The following PMEPA1 variants were observed in gnomAD, a reference collection of about 807,000 sequenced individuals.
The protein encoded by PMEPA1 is protein TMEPAI.
A neutral mutation model predicts 23.0 loss-of-function variants in PMEPA1; 11 were observed. The observed-to-expected ratio is 0.48, with a 90% CI of 0.30 to 0.79. PMEPA1 has a LOEUF of 0.79. PMEPA1 is among the 30% of genes least tolerant of loss of function. The pLI is 0.06. For missense variants in PMEPA1, 377 were observed against 390.9 expected (o/e 0.96, Z 0.30); for synonymous variants, 204 against 166.4 (o/e 1.23, Z -1.74).
chr20:57,674,828 C>T (rs377170046), intron 1 of PMEPA1, among the ~76,000 whole-genome samples: 11 of 152,192 alleles, frequency 7.2e-5, no homozygotes, highest in African/African-American at 2.7e-4. Context: ...GCCTCAGGAG[C>T]GAGGGCACGC....
rs1002741767 is a variant in PMEPA1, at chr20:57,653,157, T to C, written c.265-71A>G. 10 of 1,293,306 alleles carry C rather than the reference T, an allele frequency of 7.7e-6. No individual in the cohort carries two copies. The African/African-American group carries it at 1.3e-4, about 17-fold the overall frequency. The allele number at this position is 1,293,306 out of a possible 1,614,324, so 80.1% of individuals were successfully genotyped here. A position where few individuals can be genotyped will look rare whatever the true frequency, so the allele number is the denominator to read the frequency against. On this transcript the variant is annotated intron_variant, in intron 2 of 3. Transcript: ENST00000341744. ...AGGGACAGCAAAGGCTCAACCCAGATTCGACTCTTAGGCCTTTACCCTGGA... is the reference window on the plus strand; with the variant it reads ...AGGGACAGCAAAGGCTCAACCCAGACTCGACTCTTAGGCCTTTACCCTGGA...
intron 2 of PMEPA1, among the ~76,000 whole-genome samples, chr20:57,658,878 T>C (rs1232247697): frequency 3.3e-5 from 5 of 152,156 alleles, no homozygotes; most frequent in Admixed American, 3.3e-4. Context: ...TTCCCACCAC[T>C]ACCCCGGTGG....
chr20:57,653,900 T>G (rs1416043168), intron 2 of PMEPA1, among the ~76,000 whole-genome samples: 1 of 152,178 alleles, frequency 6.6e-6, no homozygotes, highest in Non-Finnish European at 1.5e-5. Flanking sequence ...TTTATTTCTT[T>G]ACAGTCTTTC....
Position 57,709,887 on chromosome 20 carries a change from C to T in PMEPA1, c.-305G>A. On this transcript the variant is annotated 5_prime_UTR_variant, in exon 1 of 4. Transcript: ENST00000341744. ...GCGCGCTGCCGCCGGGGCTGAGCCT[C>T]TGCCGCTAGCTTTCCCCAGCCGAGC... is the stretch of plus-strand genomic sequence containing the variant. 1 of 1,004,694 alleles carries T rather than the reference C, an allele frequency of 1.0e-6. No individual in the cohort carries two copies. The highest frequency in any genetic ancestry group is 1.7e-5 in the African/African-American group (1 of 57,266). 62.2% of individuals were successfully genotyped at this position (1,004,694 alleles called of 1,614,324 possible). A position where few individuals can be genotyped will look rare whatever the true frequency, so the allele number is the denominator to read the frequency against.
chr20:57,701,043 A>G (rs912605003), intron 1 of PMEPA1, among the ~76,000 whole-genome samples: 2 of 151,942 alleles, frequency 1.3e-5, no homozygotes, highest in African/African-American at 4.8e-5. Flanking sequence ...AAAAAAGAAA[A>G]GAAAAGAAAA....
At chr20:57,654,658 T>C (rs3795119) in intron 2 of PMEPA1, among the ~76,000 whole-genome samples, 32,335 of 152,088 alleles carry the variant, frequency 0.21, 3,940 homozygotes, top group East Asian at 0.37. Flanking sequence ...TCACTTCTCC[T>C]TCTATTAGAC....
rs192656244 is a variant in PMEPA1, at chr20:57,692,740, C to T, written c.109+16734G>A. Among the ~76,000 whole-genome samples, 21 of 152,342 alleles carry T rather than the reference C, an allele frequency of 1.4e-4. No homozygotes were observed. The East Asian group carries it at 2.3e-3, about 17-fold the overall frequency. On this transcript the variant is annotated intron_variant, in intron 1 of 3. Coordinates refer to ENST00000341744, the MANE Select transcript of PMEPA1 (RefSeq NM_020182.5). The stretch of plus-strand genomic sequence containing the variant: ...GAGCCTGAGGAACCTCCGTCCACCT[C>T]CTCTTGCCTGGATACTCTTCATTGT...
At chr20:57,707,523 T>C (rs760848864) in intron 1 of PMEPA1, among the ~76,000 whole-genome samples, 6 of 152,312 alleles carry the variant, frequency 3.9e-5, no homozygotes, top group Non-Finnish European at 8.8e-5. Context: ...ACTCAAAGGC[T>C]GCTGGCGGCG....
Position 57,704,447 on chromosome 20 carries a change from A to G in PMEPA1, c.109+5027T>C, listed in dbSNP as rs1425092453. 2.0e-5 allele frequency among the ~76,000 whole-genome samples: 3 copies of G among 152,152 alleles called. No homozygotes were observed. Among genetic ancestry groups the G allele is most frequent in the Non-Finnish European group, 4.4e-5 (3 of 68,020 alleles). ...CCCAACCATGCGTGCGTTACGCAAC[A>G]CTTTGTAAAAAGCAAAAAATGGGCC... On this transcript the variant is annotated intron_variant, in intron 1 of 3. Transcript: ENST00000341744. The surrounding 1 kb of genome is among the most constrained non-coding windows in gnomAD (Gnocchi z 4.6).
chr20:57,709,831 T>G lies in PMEPA1; in HGVS notation c.-249A>C, dbSNP rs2072146209. On this transcript the variant is annotated 5_prime_UTR_variant, in exon 1 of 4. Coordinates refer to ENST00000341744, the MANE Select transcript of PMEPA1 (RefSeq NM_020182.5). ...CGGGGGCGTCGGCAGTGCCCGCGGGTGGCGTCCGGAAAATGGGCTGGCAGC... is the reference window on the plus strand; with the variant it reads ...CGGGGGCGTCGGCAGTGCCCGCGGGGGGCGTCCGGAAAATGGGCTGGCAGC... 5 of 983,662 alleles carry G rather than the reference T, an allele frequency of 5.1e-6. No homozygotes were observed. In the South Asian group the frequency reaches 1.4e-4, roughly 27 times the overall value. 60.9% of individuals were successfully genotyped at this position (983,662 alleles called of 1,614,324 possible). A position where few individuals can be genotyped will look rare whatever the true frequency, so the allele number is the denominator to read the frequency against.
chr20:57,678,965 G>A (rs538077242), intron 1 of PMEPA1, among the ~76,000 whole-genome samples: 15 of 152,268 alleles, frequency 9.9e-5, no homozygotes, highest in African/African-American at 3.1e-4. Flanking sequence ...GAAGAACTGC[G>A]GACGTCTCTG....
At chr20:57,675,196 G>T (rs763873492) in intron 1 of PMEPA1, among the ~76,000 whole-genome samples, 12 of 139,286 alleles carry the variant, frequency 8.6e-5, no homozygotes, top group Non-Finnish European at 1.5e-4. Flanking sequence ...CAGAAGTTCA[G>T]GTGGCAAGGG....
chr20:57,709,566 C>T lies in PMEPA1; in HGVS notation c.17G>A (p.Gly6Glu). 1 of 1,073,230 alleles carries T rather than the reference C, an allele frequency of 9.3e-7. No homozygotes were observed. The highest frequency in any genetic ancestry group is 2.9e-5 in the South Asian group (1 of 33,982). The allele number at this position is 1,073,230 out of a possible 1,614,324, so 66.5% of individuals were successfully genotyped here. A position where few individuals can be genotyped will look rare whatever the true frequency, so the allele number is the denominator to read the frequency against. MHRLM[G>E]VNSTAAAAAG... Reference sequence around the variant, plus strand: ...GGCGGCGGCGGCGGTGCTGTTGACCCCCATCAAGCGGTGCATGGACGGCGC... The same window carrying T: ...GGCGGCGGCGGCGGTGCTGTTGACCTCCATCAAGCGGTGCATGGACGGCGC... Residue 6 changes from glycine (G) to glutamate (E), a missense_variant, in exon 1 of 4, where the codon GGG becomes GAG. Physicochemically the swap from Gly to Glu is moderately conservative, Grantham distance 98. Coordinates refer to ENST00000341744, the MANE Select transcript of PMEPA1 (RefSeq NM_020182.5).
At chr20:57,690,643 T>G in intron 1 of PMEPA1, 1 of 1,105,274 alleles carries the variant, frequency 9.0e-7, no homozygotes. Context: ...CACCCCAGCC[T>G]GCGCTTCTCC....
At chr20:57,688,232 C>T (rs906608001) in intron 1 of PMEPA1, among the ~76,000 whole-genome samples, 1 of 152,254 alleles carries the variant, frequency 6.6e-6, no homozygotes. Flanking sequence ...TATTTAGCCT[C>T]ATGTGAGTAA....
upstream of PMEPA1, chr20:57,710,119 C>CT: frequency 1.2e-6 from 1 of 838,738 alleles, no homozygotes; most frequent in Non-Finnish European, 1.5e-6. Context: ...CCTCCCCGAG[C>CT]CGGGGGGCGG....
chr20:57,667,733 C>T (rs1457132706), intron 1 of PMEPA1, among the ~76,000 whole-genome samples: 1 of 152,236 alleles, frequency 6.6e-6, no homozygotes, highest in African/African-American at 2.4e-5. Context: ...TGAGACCCGC[C>T]TGGCGGGGCC....
At chr20:57,705,617 G>C (rs138534993) in intron 1 of PMEPA1, among the ~76,000 whole-genome samples, 1 of 152,368 alleles carries the variant, frequency 6.6e-6, no homozygotes, top group Non-Finnish European at 1.5e-5. Context: ...TAAAAGCTGA[G>C]TGGATGAGTG....
chr20:57,708,299 G>C (rs1221787156), intron 1 of PMEPA1, among the ~76,000 whole-genome samples: 4 of 152,208 alleles, frequency 2.6e-5, no homozygotes, highest in Non-Finnish European at 5.9e-5. Flanking sequence ...CTTCAGGGTG[G>C]GGATGGGGAA....
Sources: allele counts gnomAD v4.1 joint callset (sites outside exome capture counted in the v4.1 genomes callset), GRCh38; gene constraint gnomAD v4.1.1; non-coding constraint Gnocchi (gnomAD v3.1); transcripts MANE v1.5; gene names NCBI Gene and HGNC (gene_info 2026-07-23, HGNC 2026-07-21).